The following CCNY variants were observed in gnomAD, a reference collection of about 807,000 sequenced individuals.
The protein encoded by CCNY is cyclin Y.
Under a neutral mutation model 42.8 loss-of-function variants are expected in CCNY, and 19 were observed. The ratio of observed to expected loss-of-function variants is 0.44; its 90% CI spans 0.31 to 0.65. CCNY has a LOEUF of 0.65. CCNY is among the 30% of genes least tolerant of loss of function. The pLI, the probability that CCNY is intolerant of heterozygous loss-of-function variation, is 0.07. For missense variants in CCNY, 370 were observed against 437.3 expected (o/e 0.85, Z 1.37); for synonymous variants, 165 against 162.7 (o/e 1.01, Z -0.11).
chr10:35,563,473 C>G (rs1158187660), intron 8 of CCNY, among the ~76,000 whole-genome samples: 1 of 152,152 alleles, frequency 6.6e-6, no homozygotes, highest in Non-Finnish European at 1.5e-5. Flanking sequence ...GCAGTGACGC[C>G]TGTTGACCAC....
intron 1 of CCNY, among the ~76,000 whole-genome samples, chr10:35,389,809 C>A (rs1486779325): frequency 6.6e-6 from 1 of 152,138 alleles, no homozygotes; most frequent in Middle Eastern, 3.2e-3. Flanking sequence ...CTGTGAAATG[C>A]CAAGTTCAAT....
intron 3 of CCNY, among the ~76,000 whole-genome samples, chr10:35,268,567 C>A (rs1442695255): frequency 1.3e-5 from 2 of 152,142 alleles, no homozygotes; most frequent in African/African-American, 2.4e-5. Context: ...CTTGAGGTAG[C>A]CCTGTTCCCA....
At chr10:35,384,445 C>T (rs535704577) in intron 1 of CCNY, among the ~76,000 whole-genome samples, 1 of 152,214 alleles carries the variant, frequency 6.6e-6, no homozygotes, top group Admixed American at 6.5e-5. Context: ...ATAGAGTAGC[C>T]GCCTGTGGAG....
At chr10:35,276,031 G>A (rs1489676345) in intron 3 of CCNY, among the ~76,000 whole-genome samples, 1 of 152,216 alleles carries the variant, frequency 6.6e-6, no homozygotes, top group Non-Finnish European at 1.5e-5. Flanking sequence ...CTTTGCAGAA[G>A]GACTGGGGAA....
At chr10:35,520,933 C>T (rs908108850) in intron 4 of CCNY, among the ~76,000 whole-genome samples, 3 of 152,150 alleles carry the variant, frequency 2.0e-5, no homozygotes, top group Non-Finnish European at 4.4e-5. Flanking sequence ...AGCCCCTTTG[C>T]GCACTTGGCC....
chr10:35,343,679 A>G (rs549244476), intron 1 of CCNY, among the ~76,000 whole-genome samples: 53 of 152,188 alleles, frequency 3.5e-4, no homozygotes, highest in Non-Finnish European at 5.4e-4. Context: ...TGTGAGCCAC[A>G]GTCTCCGGCC....
chr10:35,329,323 G>T (rs1007339806), intron 3 of CCNY, among the ~76,000 whole-genome samples: 5 of 152,152 alleles, frequency 3.3e-5, no homozygotes, highest in African/African-American at 4.8e-5. Flanking sequence ...AGGCCCAGAT[G>T]GGTGGATCAC....
chr10:35,401,380 C>G (rs1312538849), intron 1 of CCNY, among the ~76,000 whole-genome samples: 3 of 152,334 alleles, frequency 2.0e-5, no homozygotes, highest in Admixed American at 1.3e-4. Context: ...ACCCTGGAAT[C>G]TGCAGGAGGA....
chr10:35,343,752 A>G (rs770784004), intron 1 of CCNY, among the ~76,000 whole-genome samples: 1 of 152,190 alleles, frequency 6.6e-6, no homozygotes, highest in Non-Finnish European at 1.5e-5. Context: ...ATTTATTTCT[A>G]TCCAGCAAGG....
chr10:35,272,161 A>G (rs989964317), intron 3 of CCNY, among the ~76,000 whole-genome samples: 5 of 151,852 alleles, frequency 3.3e-5, no homozygotes, highest in African/African-American at 1.2e-4. Flanking sequence ...TAATTTTTGT[A>G]TTTTTAGTAG....
In CCNY at chr10:35,569,185, C is replaced by T. The variant is rs201515593; in HGVS notation, c.*15C>T. 84 of 1,411,144 alleles carry T rather than the reference C, an allele frequency of 6.0e-5. No homozygotes were observed. The highest frequency in any genetic ancestry group is 1.3e-4 in the African/African-American group (9 of 71,150). 87.4% of individuals were successfully genotyped at this position (1,411,144 alleles called of 1,614,324 possible). On this transcript the variant is annotated 3_prime_UTR_variant, in exon 10 of 10. Transcript: ENST00000374704. ...TCATCTCTTAACTACGGAGGCCCGC[C>T]GGAGGCCACACCATCCCTTAGTTTC...
intron 3 of CCNY, among the ~76,000 whole-genome samples, chr10:35,274,273 C>T (rs573921676): frequency 1.2e-3 from 183 of 152,312 alleles, no homozygotes; most frequent in Non-Finnish European, 2.2e-3. Flanking sequence ...ACCATGAGAA[C>T]TGTATGGGGG....
intron 8 of CCNY, among the ~76,000 whole-genome samples, chr10:35,559,598 A>C (rs1018469776): frequency 6.6e-6 from 1 of 152,246 alleles, no homozygotes; most frequent in African/African-American, 2.4e-5. Context: ...TGACAGATGG[A>C]TCCAGTCAGC....
At chr10:35,296,817 C>A (rs1017130768) in intron 3 of CCNY, among the ~76,000 whole-genome samples, 3 of 152,020 alleles carry the variant, frequency 2.0e-5, no homozygotes, top group African/African-American at 7.3e-5. Context: ...TAATAAAAAG[C>A]CTACCAACCA....
intron 3 of CCNY, among the ~76,000 whole-genome samples, chr10:35,253,414 ATTTTTTTTTTTTTTTT>A (rs61405875): frequency 3.4e-5 from 3 of 89,036 alleles, no homozygotes; most frequent in African/African-American, 9.5e-5. Context: ...CATGCTCACT[ATTTTTTTTTTTTTTTT>A]TTTTTTTTTT....
chr10:35,443,944 G>A (rs1343395620), intron 1 of CCNY, among the ~76,000 whole-genome samples: 2 of 152,196 alleles, frequency 1.3e-5, no homozygotes, highest in African/African-American at 4.8e-5. Flanking sequence ...TCCAGCCAAT[G>A]GAAACTGGAC....
chr10:35,499,482 A>C (rs1419848661), intron 2 of CCNY, among the ~76,000 whole-genome samples: 3 of 152,220 alleles, frequency 2.0e-5, no homozygotes, highest in Non-Finnish European at 1.5e-5. Flanking sequence ...GACACAGCCA[A>C]ACCATATCAG....
chr10:35,296,524 T>A (rs1453885266), intron 3 of CCNY, among the ~76,000 whole-genome samples: 1 of 151,970 alleles, frequency 6.6e-6, no homozygotes, highest in South Asian at 2.1e-4. Context: ...GAGGTTGCAG[T>A]GAGCCAAGAT....
chr10:35,465,381 C>T (rs1839238391), intron 1 of CCNY, among the ~76,000 whole-genome samples: 1 of 152,026 alleles, frequency 6.6e-6, no homozygotes, highest in East Asian at 1.9e-4. Flanking sequence ...ACGTATATTT[C>T]TCTGATACAT....
Sources: allele counts gnomAD v4.1 joint callset (sites outside exome capture counted in the v4.1 genomes callset), GRCh38; gene constraint gnomAD v4.1.1; transcripts MANE v1.5; gene names NCBI Gene and HGNC (gene_info 2026-07-23, HGNC 2026-07-21).